The following GRAMD1C variants were observed in gnomAD, a reference collection of about 807,000 sequenced individuals.
GRAMD1C encodes GRAM domain containing 1C.
A neutral mutation model predicts 97.8 loss-of-function variants in GRAMD1C; 89 were observed. The ratio of observed to expected loss-of-function variants is 0.91; its 90% CI spans 0.77 to 1.09. GRAMD1C has a LOEUF of 1.09. Among genes scored for constraint, GRAMD1C ranks in the 50% least tolerant of loss-of-function variants. The pLI, the probability that GRAMD1C is intolerant of heterozygous loss-of-function variation, is 0.00. For synonymous variants in GRAMD1C, 256 were observed against 267.0 expected, an observed-to-expected ratio of 0.96 and a Z score of 0.40; for missense variants, 740 against 766.4, an observed-to-expected ratio of 0.97 and a Z score of 0.41.
At chr3:113,854,411 T>C (rs1434671412) in intron 2 of GRAMD1C, among the ~76,000 whole-genome samples, 1 of 151,864 alleles carries the variant, frequency 6.6e-6, no homozygotes, top group African/African-American at 2.4e-5. Flanking sequence ...AAGCCTGAGA[T>C]TTGGTTAGGA....
At chr3:113,907,547 G>A (rs1011338176) in intron 8 of GRAMD1C, among the ~76,000 whole-genome samples, 2 of 152,082 alleles carry the variant, frequency 1.3e-5, no homozygotes, top group Admixed American at 1.3e-4. Flanking sequence ...GCCATATGAT[G>A]AGATTCTCAG....
intron 3 of GRAMD1C, among the ~76,000 whole-genome samples, chr3:113,871,539 G>C (rs188757420): frequency 1.4e-3 from 208 of 151,754 alleles, no homozygotes; most frequent in South Asian, 6.5e-3. Context: ...CGGATCATGA[G>C]GTCAGGAGAT....
chr3:113,888,663 GA>G (rs1415305249), intron 6 of GRAMD1C, among the ~76,000 whole-genome samples: 7 of 152,074 alleles, frequency 4.6e-5, no homozygotes, highest in Non-Finnish European at 7.4e-5. Flanking sequence ...CAGTAAAGCT[GA>G]AAAAAAATTT....
chr3:113,945,354 A>G, intron 17 of GRAMD1C, 44 bp from the exon 18 acceptor site: 3 of 1,257,112 alleles, frequency 2.4e-6, no homozygotes, highest in South Asian at 2.5e-5. Flanking sequence ...TTCAAATCTG[A>G]TTAGAAAAAT....
At chr3:113,841,524 G>A (rs896744790) in intron 1 of GRAMD1C, among the ~76,000 whole-genome samples, 5 of 152,078 alleles carry the variant, frequency 3.3e-5, no homozygotes, top group East Asian at 1.9e-4. Context: ...TCCTGACCTC[G>A]TGATCCACCT....
At chr3:113,919,480 A>G (rs1371259367) in intron 10 of GRAMD1C, 1 of 525,094 alleles carries the variant, frequency 1.9e-6, no homozygotes, top group African/African-American at 1.9e-5. Flanking sequence ...ATGCTCATGA[A>G]TTTATAAACC....
intron 1 of GRAMD1C, among the ~76,000 whole-genome samples, chr3:113,831,916 C>G (rs1174174801): frequency 6.6e-6 from 1 of 152,146 alleles, no homozygotes; most frequent in African/African-American, 2.4e-5. Context: ...AATGCTCAGG[C>G]TTCATTAGGG....
At position 113,940,001 on chromosome 3, in the gene GRAMD1C, G is replaced by C; in HGVS notation, c.1802+5G>C. ...CCAAGAAGAGAAATCTTTAAAGTAA[G>C]TCTTTTTCCCCCTGACCTGTATTCA... On this transcript the variant is annotated splice_donor_5th_base_variant and intron_variant, in intron 16 of 17. Coordinates refer to ENST00000358160, the MANE Select transcript of GRAMD1C (RefSeq NM_017577.5). 1 of 1,437,992 alleles carries C rather than the reference G, an allele frequency of 7.0e-7. No homozygotes were observed. Among genetic ancestry groups the C allele is most frequent in the Non-Finnish European group, 9.8e-7 (1 of 1,019,474 alleles). 89.1% of individuals were successfully genotyped at this position (1,437,992 alleles called of 1,614,324 possible).
At chr3:113,839,955 C>T (rs1238869198) in intron 1 of GRAMD1C, among the ~76,000 whole-genome samples, 1 of 151,936 alleles carries the variant, frequency 6.6e-6, no homozygotes, top group African/African-American at 2.4e-5. Flanking sequence ...CTGATGATGC[C>T]ACACACACAC....
upstream of GRAMD1C, among the ~76,000 whole-genome samples, chr3:113,834,240 T>A (rs1173909783): frequency 6.6e-6 from 1 of 152,144 alleles, no homozygotes; most frequent in East Asian, 1.9e-4. Flanking sequence ...AGTGTAGTGG[T>A]GCAATCTTGG....
intron 6 of GRAMD1C, among the ~76,000 whole-genome samples, chr3:113,889,731 T>C (rs917124972): frequency 6.6e-6 from 1 of 152,002 alleles, no homozygotes; most frequent in East Asian, 1.9e-4. Flanking sequence ...CTCTGTCTCC[T>C]AGGTTCAAGT....
intron 2 of GRAMD1C, among the ~76,000 whole-genome samples, 199 bp from the exon 3 acceptor site, chr3:113,869,308 A>T (rs1934702638): frequency 6.6e-6 from 1 of 152,168 alleles, no homozygotes; most frequent in East Asian, 1.9e-4. Flanking sequence ...TTGCTTTTGC[A>T]GAGGGGATTG....
chr3:113,831,161 G>A (rs1463316283), intron 1 of GRAMD1C, among the ~76,000 whole-genome samples: 1 of 152,172 alleles, frequency 6.6e-6, no homozygotes, highest in South Asian at 2.1e-4. Context: ...AAGTTTTCCA[G>A]TTGTCCCAGT....
rs763014829 is a variant in GRAMD1C at position 113,933,518 on chromosome 3, A to G, written c.1217A>G (p.Tyr406Cys). 7.5e-6 allele frequency: 12 copies of G among 1,610,004 alleles called. No individual in the cohort carries two copies. In the South Asian group the frequency reaches 1.2e-4, roughly 16 times the overall value. The change falls in exon 12 of 18, where the codon TAT (tyrosine) becomes TGT (cysteine). Residue 406 changes from tyrosine (Y) to cysteine (C), a missense_variant. By Grantham distance (194) the Tyr-to-Cys change is radical. Coordinates refer to ENST00000358160, the MANE Select transcript of GRAMD1C (RefSeq NM_017577.5). ...TTTATCTTACTTTGGCAGACACTGT[A>G]TAAAGAAAGTCGGGAAGCACGATTT... ...CTAATEKQTLYKESREARFYL... is the reference protein window; with the variant it reads ...CTAATEKQTLCKESREARFYL...
chr3:113,915,503 T>C (rs909821809), intron 9 of GRAMD1C, among the ~76,000 whole-genome samples, 198 bp from the exon 10 acceptor site: 1 of 152,220 alleles, frequency 6.6e-6, no homozygotes, highest in Non-Finnish European at 1.5e-5. Flanking sequence ...TATGCATAGT[T>C]ATAGGTCATA....
At chr3:113,839,350 T>A (rs1263375513) in intron 1 of GRAMD1C, among the ~76,000 whole-genome samples, 1 of 152,234 alleles carries the variant, frequency 6.6e-6, no homozygotes, top group African/African-American at 2.4e-5. Context: ...GTCAGCCAAG[T>A]TTTTGATTTC....
chr3:113,893,195 G>T (rs934894805), intron 6 of GRAMD1C, among the ~76,000 whole-genome samples: 2 of 151,954 alleles, frequency 1.3e-5, no homozygotes, highest in African/African-American at 4.8e-5. Flanking sequence ...ACCCTGAACA[G>T]TACTACAGCC....
intron 2 of GRAMD1C, among the ~76,000 whole-genome samples, chr3:113,858,063 G>C (rs1413875555): frequency 6.6e-6 from 1 of 152,086 alleles, no homozygotes; most frequent in Non-Finnish European, 1.5e-5. Context: ...AGATTGTATA[G>C]AATTAATTTT....
chr3:113,857,031 G>A (rs943913876), intron 2 of GRAMD1C, among the ~76,000 whole-genome samples: 5 of 151,948 alleles, frequency 3.3e-5, no homozygotes, highest in Admixed American at 6.6e-5. Context: ...TAGAGATGGG[G>A]TGTCACCATG....
Sources: gnomAD v4.1 joint callset for allele counts (sites outside exome capture counted in the v4.1 genomes callset) on GRCh38, gnomAD v4.1.1 for gene constraint, MANE v1.5 for transcripts, NCBI Gene and HGNC (gene_info 2026-07-23, HGNC 2026-07-21) for gene names.